PDGFC: variants seen among roughly 807,000 people sequenced by gnomAD.
PDGFC encodes the protein platelet-derived growth factor C.
Under a neutral mutation model 35.5 loss-of-function variants are expected in PDGFC, and 12 were observed. That is an observed-to-expected ratio of 0.34 (90% CI 0.22 to 0.55). The LOEUF is 0.55. Among genes scored for constraint, PDGFC ranks in the 20% least tolerant of loss-of-function variants. The pLI, the probability that PDGFC is intolerant of heterozygous loss-of-function variation, is 0.91. For missense variants in PDGFC, 322 were observed against 412.4 expected (o/e 0.78, Z 1.90); for synonymous variants, 159 against 148.8 (o/e 1.07, Z -0.50).
chr4:156,830,419 A>T (rs2111019200), intron 2 of PDGFC, among the ~76,000 whole-genome samples: 1 of 152,254 alleles, frequency 6.6e-6, no homozygotes, highest in Non-Finnish European at 1.5e-5. Flanking sequence ...CATGACCTTC[A>T]GTTCAGAGAT....
At chr4:156,798,384 G>T (rs1731506651) in intron 3 of PDGFC, among the ~76,000 whole-genome samples, 1 of 152,170 alleles carries the variant, frequency 6.6e-6, no homozygotes, top group Non-Finnish European at 1.5e-5. Flanking sequence ...TCAGTGACAT[G>T]AAATTATGCC....
intron 1 of PDGFC, among the ~76,000 whole-genome samples, chr4:156,883,084 C>CA (rs376927288): frequency 3.8e-3 from 313 of 83,082 alleles, no homozygotes; most frequent in African/African-American, 6.7e-3. Context: ...ATTCTGTCTC[C>CA]AAAAAAAAAA....
At chr4:156,903,169 C>A (rs1481729621) in intron 1 of PDGFC, among the ~76,000 whole-genome samples, 1 of 150,208 alleles carries the variant, frequency 6.7e-6, no homozygotes, top group Non-Finnish European at 1.5e-5. Flanking sequence ...GTGAAAAGGG[C>A]AGTTATTTCA....
intron 2 of PDGFC, among the ~76,000 whole-genome samples, chr4:156,847,037 A>C (rs2111072396): frequency 6.6e-6 from 1 of 151,814 alleles, no homozygotes; most frequent in African/African-American, 2.4e-5. Context: ...AATTTTTACT[A>C]ATATAAATGA....
At chr4:156,780,819 C>T (rs1026735717) in intron 3 of PDGFC, among the ~76,000 whole-genome samples, 2 of 152,174 alleles carry the variant, frequency 1.3e-5, no homozygotes, top group African/African-American at 2.4e-5. Context: ...ATGACCCCCC[C>T]ACATGGCTGA....
Position 156,880,447 on chromosome 4 carries a change from A to G in PDGFC, c.119-30031T>C, listed in dbSNP as rs10005870. Among the ~76,000 whole-genome samples, 231 of 152,268 alleles carry G rather than the reference A, an allele frequency of 1.5e-3. 1 individual carries two copies. Among genetic ancestry groups the G allele is most frequent in the African/African-American group, 5.0e-3 (207 of 41,564 alleles). ...TTAAACCCACTACTCAGAAAGAAAAAAAGATTCCTTTCAAAATATTACTGC... is the reference window on the plus strand; with the variant it reads ...TTAAACCCACTACTCAGAAAGAAAAGAAGATTCCTTTCAAAATATTACTGC... On this transcript the variant is annotated intron_variant, in intron 1 of 5. Transcript: ENST00000502773.
chr4:156,839,286 A>G (rs1477918590), intron 2 of PDGFC, among the ~76,000 whole-genome samples: 3 of 152,132 alleles, frequency 2.0e-5, no homozygotes, highest in East Asian at 3.9e-4. Context: ...TTCTCCCAAC[A>G]TGGGGCAGTT....
intron 1 of PDGFC, among the ~76,000 whole-genome samples, chr4:156,931,802 A>G (rs891160796): frequency 1.3e-5 from 2 of 152,068 alleles, no homozygotes; most frequent in African/African-American, 4.8e-5. Flanking sequence ...TAAACACTAC[A>G]TTTATAGGAG....
chr4:156,774,343 C>A (rs1161940311), intron 3 of PDGFC: 2 of 152,254 alleles, frequency 1.3e-5, no homozygotes, highest in African/African-American at 4.8e-5. Flanking sequence ...AAAACTCTCC[C>A]CCCGTTGATC....
chr4:156,790,634 T>G (rs1439187028), intron 3 of PDGFC, among the ~76,000 whole-genome samples: 3 of 152,226 alleles, frequency 2.0e-5, no homozygotes, highest in African/African-American at 7.2e-5. Flanking sequence ...GTATGTCTAT[T>G]GCAAATTCTA....
At chr4:156,870,242 A>G (rs553134236) in intron 1 of PDGFC, among the ~76,000 whole-genome samples, 41 of 152,270 alleles carry the variant, frequency 2.7e-4, no homozygotes, top group African/African-American at 9.4e-4. Context: ...ATATATTTAT[A>G]ACACTTTAAC....
chr4:156,788,751 T>C (rs1330511315), intron 3 of PDGFC, among the ~76,000 whole-genome samples: 1 of 152,214 alleles, frequency 6.6e-6, no homozygotes, highest in Admixed American at 6.5e-5. Context: ...ATGCCGTTTT[T>C]AAAACCATTT....
rs531697704 is a variant in PDGFC at position 156,868,428 on chromosome 4, T to C, written c.119-18012A>G. On this transcript the variant is annotated intron_variant, in intron 1 of 5. Transcript: ENST00000502773. Reference sequence around the variant, plus strand: ...TGTGAACACTACCCATTAAGGATTATCTGTCACCAACATTTAAAACAACAA... The same window carrying C: ...TGTGAACACTACCCATTAAGGATTACCTGTCACCAACATTTAAAACAACAA... Among the ~76,000 whole-genome samples the C allele has an allele frequency of 2.0e-5, 3 of 152,298 alleles. No homozygotes were observed. In the South Asian group the frequency reaches 6.2e-4, roughly 32 times the overall value.
chr4:156,860,121 T>A lies in PDGFC; in HGVS notation c.119-9705A>T, dbSNP rs560159119. Reference sequence around the variant, plus strand: ...TATTCAAAATAGAGACTGAACTGACTTTATGAGGCTCACCAAAATTCTGTT... The same window carrying A: ...TATTCAAAATAGAGACTGAACTGACATTATGAGGCTCACCAAAATTCTGTT... On this transcript the variant is annotated intron_variant, in intron 1 of 5. Transcript: ENST00000502773. Among the ~76,000 whole-genome samples, 7 of 152,274 alleles carry A rather than the reference T, an allele frequency of 4.6e-5. No individual in the cohort carries two copies. The South Asian group carries it at 1.5e-3, about 32-fold the overall frequency.
intron 1 of PDGFC, among the ~76,000 whole-genome samples, chr4:156,947,986 G>A (rs1731987076): frequency 6.6e-6 from 1 of 151,846 alleles, no homozygotes; most frequent in South Asian, 2.1e-4. Context: ...AGTGTGAATA[G>A]CAAGTCTCTA....
intron 4 of PDGFC, among the ~76,000 whole-genome samples, chr4:156,772,404 A>C (rs1275576591): frequency 6.6e-6 from 1 of 152,158 alleles, no homozygotes; most frequent in African/African-American, 2.4e-5. Context: ...TGTAAAATGC[A>C]ATGAAGGACT....
intron 2 of PDGFC, among the ~76,000 whole-genome samples, chr4:156,813,416 G>A (rs545634259): frequency 2.6e-5 from 4 of 152,168 alleles, no homozygotes; most frequent in African/African-American, 9.6e-5. Context: ...ATTAGAGTAT[G>A]TAAGAAATAC....
At chr4:156,864,976 TTATATATC>T (rs1163123212) in intron 1 of PDGFC, among the ~76,000 whole-genome samples, 2 of 152,024 alleles carry the variant, frequency 1.3e-5, no homozygotes, top group Non-Finnish European at 2.9e-5. Context: ...AATCAGAAAA[TTATATATC>T]TGTACAATCT....
intron 1 of PDGFC, chr4:156,876,754 G>T (rs1035162673): frequency 6.6e-6 from 1 of 151,962 alleles, no homozygotes; most frequent in Non-Finnish European, 1.5e-5. Flanking sequence ...TCTTAAAACT[G>T]TATGTTATTT....
Sources: allele counts gnomAD v4.1 joint callset (sites outside exome capture counted in the v4.1 genomes callset), GRCh38; gene constraint gnomAD v4.1.1; transcripts MANE v1.5; gene names NCBI Gene and HGNC (gene_info 2026-07-23, HGNC 2026-07-21).